Variants in NCOR1 observed in about 807,000 individuals in gnomAD.
The protein encoded by NCOR1 is protein phosphatase 1, regulatory subunit 109.
A neutral mutation model predicts 288.1 loss-of-function variants in NCOR1; 63 were observed. That is an observed-to-expected ratio of 0.22 (90% CI 0.18 to 0.27). NCOR1 has a LOEUF of 0.27. Among genes scored for constraint, NCOR1 ranks in the 10% least tolerant of loss-of-function variants. NCOR1 has a pLI of 1.00. For missense variants in NCOR1, 2,397 were observed against 3,019.2 expected (o/e 0.79, Z 4.83); for synonymous variants, 1,007 against 1,065.9 (o/e 0.94, Z 1.08).
intron 6 of NCOR1, among the ~76,000 whole-genome samples, chr17:16,154,377 T>C (rs910184582): frequency 1.3e-5 from 2 of 152,212 alleles, no homozygotes; most frequent in Non-Finnish European, 2.9e-5. Context: ...ATGTTCGGTA[T>C]GTTCTATGTG....
Position 16,065,527 on chromosome 17 carries a change from G to C in NCOR1, c.4909C>G (p.Pro1637Ala). The stretch of plus-strand genomic sequence containing the variant: ...GGGAGACCCAGTGGCTGCTCTCTTG[G>C]GGAGAGTCCTCTGGCCACATCTGGA... ...LRPDVARGLS[P>A]REQPLGLPYP... The change falls in exon 33 of 46, where the codon CCA becomes GCA. Residue 1637 changes from proline to alanine, a missense_variant. By Grantham distance (27) the Pro-to-Ala change is conservative. Coordinates refer to ENST00000268712, the MANE Select transcript of NCOR1 (RefSeq NM_006311.4). 2 of 1,614,166 alleles carry C rather than the reference G, an allele frequency of 1.2e-6. No individual in the cohort carries two copies. The highest frequency in any genetic ancestry group is 1.7e-6 in the Non-Finnish European group (2 of 1,180,034).
intron 1 of NCOR1, among the ~76,000 whole-genome samples, chr17:16,208,471 G>C (rs1317901431): frequency 6.6e-6 from 1 of 151,886 alleles, no homozygotes; most frequent in Non-Finnish European, 1.5e-5. Context: ...AGAACCATGA[G>C]TGCTGTCTAG....
At chr17:16,080,865 G>T in intron 23 of NCOR1, 138 bp from the exon 24 acceptor site, 2 of 858,462 alleles carry the variant, frequency 2.3e-6, no homozygotes, top group South Asian at 2.2e-5. Flanking sequence ...ACCAAGAATA[G>T]TTTTTGTAAA....
intron 22 of NCOR1, 108 bp from the exon 23 acceptor site, chr17:16,086,550 A>C: frequency 1.0e-6 from 1 of 967,364 alleles, no homozygotes; most frequent in Non-Finnish European, 1.5e-6. Context: ...TAAAAAATGT[A>C]AGATGAAACC....
intron 11 of NCOR1, among the ~76,000 whole-genome samples, chr17:16,142,515 G>C (rs2077299007): frequency 6.6e-6 from 1 of 151,998 alleles, no homozygotes; most frequent in South Asian, 2.1e-4. Context: ...TTGAGAGTTT[G>C]AACAGGGCTA....
chr17:16,163,494 T>C (rs2081317346), intron 5 of NCOR1, among the ~76,000 whole-genome samples: 1 of 152,178 alleles, frequency 6.6e-6, no homozygotes, highest in South Asian at 2.1e-4. Flanking sequence ...TGGCTATATT[T>C]TTTTAAAAAA....
intron 20 of NCOR1, among the ~76,000 whole-genome samples, chr17:16,099,068 G>C (rs1440994440): frequency 6.6e-6 from 1 of 152,088 alleles, no homozygotes; most frequent in East Asian, 1.9e-4. Context: ...CAGACCTCTG[G>C]CTTCTCATGA....
chr17:16,065,339 G>T, intron 33 of NCOR1, 146 bp downstream of exon 33: 1 of 928,004 alleles, frequency 1.1e-6, no homozygotes, highest in Non-Finnish European at 1.6e-6. Context: ...GTATGTCTCT[G>T]GGCTAAAAAG....
At chr17:16,114,831 G>A (rs566364690) in intron 18 of NCOR1, among the ~76,000 whole-genome samples, 16 of 152,252 alleles carry the variant, frequency 1.1e-4, no homozygotes, top group South Asian at 4.1e-4. Context: ...GAGTGTCTGC[G>A]GCTTTTCCAG....
intron 19 of NCOR1, among the ~76,000 whole-genome samples, chr17:16,102,555 A>G (rs1433988966): frequency 6.6e-6 from 1 of 151,914 alleles, no homozygotes; most frequent in Admixed American, 6.6e-5. Context: ...TGGGTACTAA[A>G]TCTTCAAAAT....
intron 21 of NCOR1, 147 bp from the exon 22 acceptor site, chr17:16,092,205 C>T (rs2065281402): frequency 1.9e-6 from 2 of 1,066,690 alleles, no homozygotes; most frequent in African/African-American, 1.6e-5. Context: ...AAGAATAATG[C>T]TTAAGGCATT....
rs2152625335 is a variant in NCOR1 at position 16,062,226 on chromosome 17, A to G, written c.5266T>C (p.Ser1756Pro). The change falls in exon 36 of 46, where the codon TCC (serine) becomes CCC (proline). Residue 1756 changes from serine to proline, a missense_variant. Coordinates refer to ENST00000268712, the MANE Select transcript of NCOR1 (RefSeq NM_006311.4). ...GRPGSHGYVR[S>P]PSPSVRTQET... The stretch of plus-strand genomic sequence containing the variant: ...TGAGTTCTTACTGAAGGGGAAGGGG[A>G]GCGAACATATCCATGACTGCCAGGT... The G allele has an allele frequency of 6.2e-7, 1 of 1,613,306 alleles. No homozygotes were observed. Among genetic ancestry groups the G allele is most frequent in the Non-Finnish European group, 8.5e-7 (1 of 1,179,874 alleles).
intron 21 of NCOR1, among the ~76,000 whole-genome samples, chr17:16,095,554 C>G (rs1484366814): frequency 3.0e-5 from 4 of 132,512 alleles, no homozygotes; most frequent in East Asian, 4.9e-4. Context: ...GTCAGCCCCC[C>G]GCCCGGCCAG....
At position 16,034,915 on chromosome 17, in the gene NCOR1, T is replaced by C; in HGVS notation, c.6985A>G (p.Lys2329Glu). 6.2e-7 allele frequency: 1 copy of C among 1,614,162 alleles called. No individual in the cohort carries two copies. The highest frequency in any genetic ancestry group is 8.5e-7 in the Non-Finnish European group (1 of 1,180,026). The stretch of plus-strand genomic sequence containing the variant: ...GACTTAGATTTCCTGCTGTTTGACT[T>C]GCTGATCAGCTTTGGTTTGCAAACT... ...GGVCKPKLIS[K>E]SNSRKSKSPI... Residue 2329 changes from lysine (K) to glutamate (E), a missense_variant, in exon 45 of 46, where the codon AAG (lysine) becomes GAG (glutamate). Physicochemically the swap from Lys to Glu is moderately conservative, Grantham distance 56 (BLOSUM62 1). Transcript: ENST00000268712.
intron 22 of NCOR1, among the ~76,000 whole-genome samples, chr17:16,088,341 A>C (rs2064585334): frequency 6.6e-6 from 1 of 152,164 alleles, no homozygotes; most frequent in Non-Finnish European, 1.5e-5. Context: ...ATTCCTAGAT[A>C]TGTCATATTG....
At chr17:16,064,444 A>C (rs539935220) in intron 34 of NCOR1, among the ~76,000 whole-genome samples, 1 of 152,104 alleles carries the variant, frequency 6.6e-6, no homozygotes, top group East Asian at 1.9e-4. Flanking sequence ...TACTAAAAAC[A>C]CACAAAAAAT....
chr17:16,110,763 T>C (rs947533792), intron 18 of NCOR1, among the ~76,000 whole-genome samples: 8 of 152,212 alleles, frequency 5.3e-5, no homozygotes, highest in African/African-American at 1.9e-4. Context: ...ATGCGGATGA[T>C]ATTTAGGATC....
chr17:16,179,567 T>G (rs537896708), intron 3 of NCOR1, among the ~76,000 whole-genome samples: 2 of 152,146 alleles, frequency 1.3e-5, no homozygotes, highest in Admixed American at 6.5e-5. Flanking sequence ...CAACTCCTCC[T>G]AAACTCTTCC....
chr17:16,141,490 C>G (rs1166454673), intron 11 of NCOR1, among the ~76,000 whole-genome samples: 2 of 152,034 alleles, frequency 1.3e-5, no homozygotes, highest in Non-Finnish European at 2.9e-5. Flanking sequence ...AACTAGAATT[C>G]TGAAACACAG....
Sources: gnomAD v4.1 joint callset for allele counts (sites outside exome capture counted in the v4.1 genomes callset) on GRCh38, gnomAD v4.1.1 for gene constraint, MANE v1.5 for transcripts, NCBI Gene and HGNC (gene_info 2026-07-23, HGNC 2026-07-21) for gene names.